Variants in SNX29 observed in about 807,000 individuals in gnomAD.
The protein encoded by SNX29 is sorting nexin 29.
SNX29 carries 78 observed loss-of-function variants against 102.1 expected under a neutral mutation model. The ratio of observed to expected loss-of-function variants is 0.76; its 90% CI spans 0.64 to 0.92. The LOEUF (loss-of-function observed/expected upper bound fraction) is 0.92, where lower values mean the gene tolerates loss of function less well. Among genes scored for constraint, SNX29 ranks in the 40% least tolerant of loss-of-function variants. The pLI is 0.00. For synonymous variants in SNX29, 580 were observed against 414.5 expected, an observed-to-expected ratio of 1.40 and a Z score of -4.85; for missense variants, 1,280 against 1,061.7, an observed-to-expected ratio of 1.21 and a Z score of -2.86.
intron 20 of SNX29, among the ~76,000 whole-genome samples, chr16:12,540,241 C>A (rs1036531782): frequency 2.2e-4 from 34 of 152,094 alleles, no homozygotes; most frequent in Admixed American, 6.6e-5. Flanking sequence ...CTGACCCGCT[C>A]CCCCCACCCC....
chr16:12,432,711 A>AG (rs2085363513), intron 18 of SNX29, among the ~76,000 whole-genome samples: 2 of 152,238 alleles, frequency 1.3e-5, no homozygotes, highest in African/African-American at 4.8e-5. Context: ...TGACAGTGAC[A>AG]GGAGCTTGGC....
intron 20 of SNX29, among the ~76,000 whole-genome samples, chr16:12,532,742 T>G (rs562551717): frequency 2.6e-4 from 39 of 152,138 alleles, no homozygotes; most frequent in African/African-American, 9.2e-4. Flanking sequence ...TGGCCTTGGA[T>G]GGAAGCTGGG....
chr16:12,535,537 C>G (rs754134672), intron 20 of SNX29, among the ~76,000 whole-genome samples: 1 of 152,198 alleles, frequency 6.6e-6, no homozygotes, highest in Middle Eastern at 3.2e-3. Flanking sequence ...AAGCCATAGT[C>G]TCACAGCTGG....
At chr16:12,218,208 A>G (rs899868116) in intron 14 of SNX29, among the ~76,000 whole-genome samples, 1 of 152,270 alleles carries the variant, frequency 6.6e-6, no homozygotes, top group African/African-American at 2.4e-5. Flanking sequence ...AGATTTTTAA[A>G]AATGAGTAAT....
chr16:12,414,676 G>T (rs891673569), intron 18 of SNX29, among the ~76,000 whole-genome samples: 2 of 152,138 alleles, frequency 1.3e-5, no homozygotes, highest in East Asian at 1.9e-4. Context: ...CTGCCTGGCC[G>T]TTGTTTTTCA....
At chr16:12,476,405 T>C (rs866552805) in intron 18 of SNX29, among the ~76,000 whole-genome samples, 26 of 21,154 alleles carry the variant, frequency 1.2e-3, no homozygotes, top group African/African-American at 6.5e-3. Context: ...TATATATATA[T>C]ATATATACAT....
At chr16:11,988,544 G>T (rs1204982300) in intron 1 of SNX29, among the ~76,000 whole-genome samples, 1 of 152,054 alleles carries the variant, frequency 6.6e-6, no homozygotes, top group Non-Finnish European at 1.5e-5. Context: ...CTACAGGTGT[G>T]TGCCACCACA....
intron 4 of SNX29, among the ~76,000 whole-genome samples, chr16:12,030,957 C>T (rs772461654): frequency 4.6e-5 from 7 of 152,186 alleles, no homozygotes; most frequent in Non-Finnish European, 8.8e-5. Context: ...ACTCTTGAGA[C>T]CTCTCCATAA....
At chr16:12,526,428 G>A (rs1419740131) in intron 20 of SNX29, 2 of 404,992 alleles carry the variant, frequency 4.9e-6, no homozygotes, top group East Asian at 1.1e-4. Context: ...TTGTTCCGGG[G>A]TTTTTGTGAG....
At chr16:12,510,598 C>T (rs1005446771) in intron 19 of SNX29, among the ~76,000 whole-genome samples, 1 of 151,866 alleles carries the variant, frequency 6.6e-6, no homozygotes, top group Non-Finnish European at 1.5e-5. Context: ...GCTGGAACCC[C>T]GGAGGCAGAG....
chr16:12,040,359 T>C (rs1480628648), intron 4 of SNX29, among the ~76,000 whole-genome samples: 1 of 152,056 alleles, frequency 6.6e-6, no homozygotes, highest in Non-Finnish European at 1.5e-5. Context: ...AGAGGCCCTG[T>C]CTCAAAAATA....
chr16:12,402,890 C>T (rs1017843387), intron 17 of SNX29, among the ~76,000 whole-genome samples: 2 of 152,156 alleles, frequency 1.3e-5, no homozygotes, highest in Non-Finnish European at 2.9e-5. Context: ...CCTCCCTCCT[C>T]CCATCCTAAA....
At chr16:12,566,444 T>G (rs2079012997) in intron 20 of SNX29, among the ~76,000 whole-genome samples, 1 of 152,004 alleles carries the variant, frequency 6.6e-6, no homozygotes, top group Non-Finnish European at 1.5e-5. Flanking sequence ...CAAGCTCTGG[T>G]CATTGCAGGG....
At chr16:12,378,982 C>T (rs1387419626) in intron 16 of SNX29, among the ~76,000 whole-genome samples, 1 of 152,144 alleles carries the variant, frequency 6.6e-6, no homozygotes, top group Non-Finnish European at 1.5e-5. Context: ...GCCAGAAGGA[C>T]AAGATATGCT....
intron 18 of SNX29, among the ~76,000 whole-genome samples, chr16:12,462,046 CTT>C (rs1487731582): frequency 0.013 from 1,644 of 123,294 alleles, 51 homozygotes; most frequent in African/African-American, 0.044. Context: ...CACACACACT[CTT>C]ATATATGAGA....
chr16:12,359,858 G>A (rs144209425), intron 16 of SNX29, among the ~76,000 whole-genome samples: 2 of 152,048 alleles, frequency 1.3e-5, no homozygotes, highest in African/African-American at 4.8e-5. Context: ...GAATCATGCT[G>A]TATCGCCCAG....
chr16:12,541,453 G>A (rs533276866), intron 20 of SNX29, among the ~76,000 whole-genome samples: 32 of 152,234 alleles, frequency 2.1e-4, no homozygotes, highest in Admixed American at 5.9e-4. Context: ...AAGGACCCAC[G>A]CTTAGTGCTT....
chr16:12,524,321 A>G (rs2151955742), intron 19 of SNX29, among the ~76,000 whole-genome samples: 1 of 152,006 alleles, frequency 6.6e-6, no homozygotes, highest in East Asian at 1.9e-4. Context: ...CTGTGTGGTC[A>G]CTGGATTGAT....
intron 2 of SNX29, among the ~76,000 whole-genome samples, chr16:12,001,304 G>C (rs2056277891): frequency 2.0e-5 from 3 of 152,072 alleles, no homozygotes; most frequent in Admixed American, 2.0e-4. Context: ...GTAGAGGTGG[G>C]GTTTCACCAT....
Sources: allele counts gnomAD v4.1 joint callset (sites outside exome capture counted in the v4.1 genomes callset), GRCh38; gene constraint gnomAD v4.1.1; transcripts MANE v1.5; gene names NCBI Gene and HGNC (gene_info 2026-07-23, HGNC 2026-07-21).